The following KAZN variants were observed in gnomAD, a reference collection of about 807,000 sequenced individuals.
KAZN encodes kazrin, periplakin interacting protein.
KAZN carries 40 observed loss-of-function variants against 87.4 expected under a neutral mutation model. That is an observed-to-expected ratio of 0.46 (90% CI 0.36 to 0.60). The LOEUF (loss-of-function observed/expected upper bound fraction) is 0.60, where lower values mean the gene tolerates loss of function less well. Ranked by LOEUF, KAZN falls within the 20% of genes least tolerant of loss-of-function variation. The pLI is 0.00. For missense variants in KAZN, 898 were observed against 1,073.9 expected, an observed-to-expected ratio of 0.84 and a Z score of 2.29; for synonymous variants, 466 against 458.3, an observed-to-expected ratio of 1.02 and a Z score of -0.22.
intron 1 of KAZN, among the ~76,000 whole-genome samples, chr1:14,838,184 C>T (rs1476209074): frequency 6.6e-6 from 1 of 152,152 alleles, no homozygotes; most frequent in African/African-American, 2.4e-5. Flanking sequence ...GATGGAAGGG[C>T]AAAAGAGCTG....
At chr1:14,485,203 G>A (rs1295285757) in intron 2 of KAZN, among the ~76,000 whole-genome samples, 1 of 152,210 alleles carries the variant, frequency 6.6e-6, no homozygotes, top group African/African-American at 2.4e-5. Context: ...GCAACCCTGA[G>A]GATATCAAAC....
chr1:14,944,367 TTGTGGC>T (rs1661492449), intron 1 of KAZN, among the ~76,000 whole-genome samples: 1 of 152,208 alleles, frequency 6.6e-6, no homozygotes, highest in African/African-American at 2.4e-5. Context: ...TCCTGAAAGG[TTGTGGC>T]CTGATGCCGG....
intron 1 of KAZN, among the ~76,000 whole-genome samples, chr1:14,920,276 GTTTTT>G (rs55641056): frequency 2.1e-5 from 2 of 94,158 alleles, no homozygotes; most frequent in Non-Finnish European, 4.0e-5. Flanking sequence ...CCTCTTTTCT[GTTTTT>G]TTTTTTTTTT....
At chr1:14,772,671 C>T (rs775651258) in intron 1 of KAZN, among the ~76,000 whole-genome samples, 10 of 152,192 alleles carry the variant, frequency 6.6e-5, no homozygotes, top group East Asian at 1.9e-4. Context: ...AGGTGGCTCC[C>T]GATTCAGACA....
chr1:14,967,059 G>A (rs1164518379), intron 2 of KAZN, among the ~76,000 whole-genome samples: 2 of 152,208 alleles, frequency 1.3e-5, no homozygotes, highest in African/African-American at 4.8e-5. Context: ...CTGATGTTGA[G>A]GCTTTGATGC....
chr1:14,448,781 T>C (rs573336048), intron 2 of KAZN, among the ~76,000 whole-genome samples: 12 of 152,324 alleles, frequency 7.9e-5, no homozygotes, highest in Admixed American at 7.8e-4. Context: ...ACAAGACGCC[T>C]GACTCCCTCA....
chr1:14,582,077 G>A (rs1468442616), intron 2 of KAZN, among the ~76,000 whole-genome samples: 2 of 151,702 alleles, frequency 1.3e-5, no homozygotes, highest in African/African-American at 4.8e-5. Flanking sequence ...CCCTAGAATA[G>A]CATCTGACAT....
intron 1 of KAZN, among the ~76,000 whole-genome samples, chr1:14,839,572 T>C (rs1432963607): frequency 6.6e-6 from 1 of 152,166 alleles, no homozygotes; most frequent in African/African-American, 2.4e-5. Flanking sequence ...AACCAAGATA[T>C]CCTTCCCTGT....
chr1:14,985,283 AAGGTGGGAGGCCAAGGTGGGAG>A (rs371898111), intron 2 of KAZN, among the ~76,000 whole-genome samples: 4,287 of 146,392 alleles, frequency 0.029, 178 homozygotes, highest in African/African-American at 0.1. Context: ...GTGGGAGGCC[AAGGTGGGAGGCCAAGGTGGGAG>A]AATCACATGA....
chr1:14,623,963 T>A (rs1678911826), intron 1 of KAZN, among the ~76,000 whole-genome samples: 1 of 152,250 alleles, frequency 6.6e-6, no homozygotes, highest in Non-Finnish European at 1.5e-5. Flanking sequence ...GAATATGGTA[T>A]ATCTTGGTAA....
chr1:14,729,657 G>A lies in KAZN; in HGVS notation c.226+130434G>A, dbSNP rs369931720. On this transcript the variant is annotated intron_variant, in intron 1 of 14. Coordinates refer to ENST00000376030, the MANE Select transcript of KAZN (RefSeq NM_201628.3). ...AATCAGGCCAAGCTGAGGGTTCTCTGTCCTCAGGTATTTTCCTTTGTAGCA... is the reference window on the plus strand; with the variant it reads ...AATCAGGCCAAGCTGAGGGTTCTCTATCCTCAGGTATTTTCCTTTGTAGCA... 7.2e-5 allele frequency among the ~76,000 whole-genome samples: 11 copies of A among 152,238 alleles called. No homozygotes were observed. In the South Asian group the frequency reaches 2.3e-3, roughly 32 times the overall value.
intron 2 of KAZN, among the ~76,000 whole-genome samples, chr1:15,030,792 C>T (rs573891386): frequency 1.1e-4 from 17 of 152,354 alleles, no homozygotes; most frequent in African/African-American, 2.4e-4. Flanking sequence ...CCTGGAATTC[C>T]GGCCCTGGTG....
chr1:14,592,246 A>G (rs1676245460), intron 2 of KAZN, among the ~76,000 whole-genome samples: 1 of 152,194 alleles, frequency 6.6e-6, no homozygotes, highest in Admixed American at 6.5e-5. Context: ...TAACTCCCCA[A>G]GGACTGTCTC....
intron 1 of KAZN, among the ~76,000 whole-genome samples, chr1:14,173,184 A>G (rs1173682127): frequency 6.6e-6 from 1 of 152,236 alleles, no homozygotes; most frequent in Non-Finnish European, 1.5e-5. Flanking sequence ...AGGGAGACAG[A>G]CATTCAAGAA....
At chr1:14,171,304 C>A (rs1293480338) in intron 1 of KAZN, among the ~76,000 whole-genome samples, 1 of 152,200 alleles carries the variant, frequency 6.6e-6, no homozygotes, top group Non-Finnish European at 1.5e-5. Flanking sequence ...TGCTTATATA[C>A]CTAAGAGTAA....
intron 1 of KAZN, among the ~76,000 whole-genome samples, chr1:14,648,123 A>G (rs955372715): frequency 6.6e-6 from 1 of 152,234 alleles, no homozygotes; most frequent in African/African-American, 2.4e-5. Context: ...AAAAAGCCCA[A>G]GTAAAGAAAG....
chr1:13,947,686 G>A (rs1641197808), intron 1 of KAZN, among the ~76,000 whole-genome samples: 1 of 152,128 alleles, frequency 6.6e-6, no homozygotes, highest in South Asian at 2.1e-4. Flanking sequence ...TCACAGTTTT[G>A]GAGGCTGGAA....
At chr1:14,148,579 C>T (rs1411488840) in intron 1 of KAZN, among the ~76,000 whole-genome samples, 6 of 152,080 alleles carry the variant, frequency 3.9e-5, no homozygotes, top group Admixed American at 6.5e-5. Context: ...ATTTCCTGTT[C>T]CTAAACTCAT....
At chr1:14,553,612 T>C (rs917083664) in intron 2 of KAZN, among the ~76,000 whole-genome samples, 2 of 152,290 alleles carry the variant, frequency 1.3e-5, no homozygotes, top group African/African-American at 4.8e-5. Flanking sequence ...CTAGTGAAGG[T>C]GCCCCCTTGC....
Sources: gnomAD v4.1 joint callset for allele counts (sites outside exome capture counted in the v4.1 genomes callset) on GRCh38, gnomAD v4.1.1 for gene constraint, MANE v1.5 for transcripts, NCBI Gene and HGNC (gene_info 2026-07-23, HGNC 2026-07-21) for gene names.